Variants in LRRD1 observed in about 807,000 individuals in gnomAD.
LRRD1 encodes the protein leucine-rich repeat and death domain-containing protein 1.
A neutral mutation model predicts 69.5 loss-of-function variants in LRRD1; 49 were observed. The observed-to-expected ratio is 0.70, with a 90% CI of 0.56 to 0.89. The LOEUF is 0.89. LRRD1 is among the 40% of genes least tolerant of loss of function. The pLI, the probability that LRRD1 is intolerant of heterozygous loss-of-function variation, is 0.00. For missense variants in LRRD1, 853 were observed against 956.0 expected (o/e 0.89, Z 1.42); for synonymous variants, 303 against 338.9 (o/e 0.89, Z 1.16).
intron 1 of LRRD1, among the ~76,000 whole-genome samples, chr7:92,168,466 C>A (rs1788972671): frequency 6.6e-6 from 1 of 152,176 alleles, no homozygotes; most frequent in Non-Finnish European, 1.5e-5. Context: ...GCCTATTCAG[C>A]AGCACCATGC....
chr7:92,169,275 C>G (rs1342220184), intron 1 of LRRD1, among the ~76,000 whole-genome samples: 4 of 151,712 alleles, frequency 2.6e-5, no homozygotes, highest in Admixed American at 2.6e-4. Flanking sequence ...ACAGTGATCT[C>G]AAAAATAACA....
downstream of LRRD1, among the ~76,000 whole-genome samples, chr7:92,143,641 C>T (rs1030690281): frequency 1.1e-4 from 16 of 152,156 alleles, no homozygotes; most frequent in African/African-American, 3.9e-4. Context: ...CGAGCCCACG[C>T]GCACCCGGAA....
chr7:92,149,014 C>T (rs912979781), intron 4 of LRRD1, among the ~76,000 whole-genome samples: 5 of 150,868 alleles, frequency 3.3e-5, no homozygotes, highest in East Asian at 2.0e-4. Context: ...CCCAAAGTGC[C>T]GGGATTACAG....
chr7:92,164,789 G>A lies in LRRD1; in HGVS notation c.414C>T (p.Gly138=). The part of the protein sequence containing the change: ...QVSEENQKQL[G]LGADNFTVNL... ...TAACTGTAAAGTTATCTGCCCCTAG[G>A]CCAAGTTGTTTCTGATTTTCTTCAG... Residue 138 remains glycine, a synonymous_variant, in exon 2 of 6, where the codon GGC becomes GGT. Coordinates refer to ENST00000458448, the MANE Select transcript of LRRD1 (RefSeq NM_001161528.2). 6.4e-7 allele frequency: 1 copy of A among 1,551,450 alleles called. No individual in the cohort carries two copies.
downstream of LRRD1, chr7:92,142,248 A>G (rs1820171683): frequency 3.0e-6 from 1 of 334,270 alleles, no homozygotes; most frequent in Non-Finnish European, 5.8e-6. Context: ...GGGCTCCACA[A>G]TATTCTTAAC....
chr7:92,149,014 C>G (rs912979781), intron 4 of LRRD1, among the ~76,000 whole-genome samples: 3 of 150,872 alleles, frequency 2.0e-5, no homozygotes, highest in Non-Finnish European at 4.4e-5. Flanking sequence ...CCCAAAGTGC[C>G]GGGATTACAG....
chr7:92,145,153 A>T, intron 5 of LRRD1, 79 bp from the exon 6 acceptor site: 1 of 786,132 alleles, frequency 1.3e-6, no homozygotes, highest in Non-Finnish European at 1.7e-6. Context: ...TAATTATCTG[A>T]ATTGTCAATT....
In LRRD1 at chr7:92,150,557, A is replaced by T; in HGVS notation, c.2255T>A (p.Leu752Gln). 6.5e-7 allele frequency: 1 copy of T among 1,550,002 alleles called. No individual in the cohort carries two copies. The highest frequency in any genetic ancestry group is 8.7e-7 in the Non-Finnish European group (1 of 1,146,104). Reference protein sequence around the residue: ...GKQLYTIARYLQRADERDEKI... With the variant: ...GKQLYTIARYQQRADERDEKI... ...ACCATCTCTTTCATCTGCCCTCTGT[A>T]GATAGCGTGCAATAGTATACAACTG... is the stretch of plus-strand genomic sequence containing the variant. The change falls in exon 4 of 6, where the codon CTA becomes CAA. Residue 752 changes from leucine (L) to glutamine (Q), a missense_variant. Transcript: ENST00000458448.
chr7:92,159,643 C>T (rs1266202424), intron 2 of LRRD1, among the ~76,000 whole-genome samples: 7 of 126,118 alleles, frequency 5.6e-5, no homozygotes, highest in African/African-American at 1.5e-4. Context: ...TTTTTTGAGA[C>T]GGAGATCTCG....
rs1297847828 is a variant in LRRD1 at position 92,163,931 on chromosome 7, A to G, written c.1272T>C (p.His424=). 3 of 1,537,610 alleles carry G rather than the reference A, an allele frequency of 2.0e-6. 1 individual carries two copies. The highest frequency in any genetic ancestry group is 2.1e-5 in the Admixed American group (1 of 47,406). Residue 424 remains histidine (H), a synonymous_variant, in exon 2 of 6, where the codon CAT becomes CAC. Coordinates refer to ENST00000458448, the MANE Select transcript of LRRD1 (RefSeq NM_001161528.2). ...TTTTTACCATATTATTTCTGTTTAC[A>G]TGGAGTTTTCTTAAATTGTTAAGCT... is the stretch of plus-strand genomic sequence containing the variant. ...IHKLNNLRKL[H]VNRNNMVKIT...
chr7:92,178,673 A>AAAAT (rs975869840), intron 1 of LRRD1, among the ~76,000 whole-genome samples: 22 of 152,362 alleles, frequency 1.4e-4, no homozygotes, highest in African/African-American at 5.3e-4. Context: ...TCTGTCGCAA[A>AAAAT]AAATAAATAA....
At chr7:92,162,427 A>G (rs1470318045) in intron 2 of LRRD1, among the ~76,000 whole-genome samples, 3 of 152,150 alleles carry the variant, frequency 2.0e-5, no homozygotes, top group African/African-American at 7.2e-5. Flanking sequence ...AGACTTTGGG[A>G]AGCCCTGCCT....
intron 1 of LRRD1, among the ~76,000 whole-genome samples, chr7:92,172,023 G>T (rs996462957): frequency 4.6e-5 from 7 of 152,140 alleles, no homozygotes; most frequent in African/African-American, 1.7e-4. Flanking sequence ...ACTTAGGAAG[G>T]TGAGATGGGA....
intron 2 of LRRD1, 37 bp from the exon 3 acceptor site, chr7:92,159,240 A>C: frequency 2.4e-6 from 3 of 1,245,086 alleles, no homozygotes; most frequent in Non-Finnish European, 3.2e-6. Context: ...ATTTATAAAT[A>C]CATACATATT....
intron 4 of LRRD1, among the ~76,000 whole-genome samples, chr7:92,150,240 G>C (rs1378927797): frequency 6.6e-6 from 1 of 152,168 alleles, no homozygotes; most frequent in Admixed American, 6.5e-5. Context: ...AAGACAGGAG[G>C]ATTGCTTGAG....
In LRRD1 at chr7:92,164,065, C is replaced by G. The variant is rs761313575; in HGVS notation, c.1138G>C (p.Asp380His). 7.4e-5 allele frequency: 114 copies of G among 1,539,280 alleles called. No individual in the cohort carries two copies. In the African/African-American group the frequency reaches 1.5e-3, roughly 20 times the overall value. ...GGTATATTTTTCAATAAATTTTTAT[C>G]AAGTATAAGAATCCTAAGTTCCCTG... ...NFRELRILIL[D>H]KNLLKNIPEK... The change falls in exon 2 of 6, where the codon GAT (aspartate) becomes CAT (histidine). Residue 380 changes from aspartate (D) to histidine (H), a missense_variant. By Grantham distance (81) the Asp-to-His change is moderately conservative (BLOSUM62 -1). This residue lies in a region of LRRD1 where 739 missense variants were observed against 808.0 expected (regional missense o/e 0.91). Coordinates refer to ENST00000458448, the MANE Select transcript of LRRD1 (RefSeq NM_001161528.2).
At chr7:92,148,321 C>T (rs1484198108) in intron 4 of LRRD1, among the ~76,000 whole-genome samples, 4 of 152,212 alleles carry the variant, frequency 2.6e-5, no homozygotes, top group African/African-American at 7.2e-5. Flanking sequence ...ATCCTCCTGC[C>T]TTGGCCTCCC....
downstream of LRRD1, chr7:92,142,608 G>C: frequency 2.3e-6 from 1 of 440,564 alleles, no homozygotes; most frequent in East Asian, 7.0e-5. Context: ...CTCACGGTCA[G>C]TGTTACAGCT....
chr7:92,175,921 T>C (rs529351625), intron 1 of LRRD1, among the ~76,000 whole-genome samples: 4 of 152,360 alleles, frequency 2.6e-5, no homozygotes, highest in South Asian at 2.1e-4. Context: ...TGTGTGGAGA[T>C]GTTTCTGAAC....
Sources: gnomAD v4.1 joint callset for allele counts (sites outside exome capture counted in the v4.1 genomes callset) on GRCh38, gnomAD v4.1.1 for gene constraint, gnomAD v4.1.1 regional missense constraint, MANE v1.5 for transcripts, NCBI Gene and HGNC (gene_info 2026-07-23, HGNC 2026-07-21) for gene names.